The following LY86 variants were observed in gnomAD, a reference collection of about 807,000 sequenced individuals.
LY86 encodes the protein lymphocyte antigen 86.
LY86 carries 20 observed loss-of-function variants against 17.3 expected under a neutral mutation model. The observed-to-expected ratio is 1.15, with a 90% CI of 0.81 to 1.68. LY86 has a LOEUF of 1.68. LY86 is among the 40% of genes most tolerant of loss of function. The pLI is 0.00. For missense variants in LY86, 200 were observed against 191.9 expected (o/e 1.04, Z -0.25); for synonymous variants, 74 against 70.6 (o/e 1.05, Z -0.24).
chr6:6,595,854 G>T (rs1188903507), intron 1 of LY86, among the ~76,000 whole-genome samples: 4 of 152,282 alleles, frequency 2.6e-5, no homozygotes, highest in Middle Eastern at 6.8e-3. Context: ...TAGTCAGTGA[G>T]CGGGGAGGGG....
At chr6:6,606,053 G>T (rs150757827) in intron 1 of LY86, among the ~76,000 whole-genome samples, 2 of 152,218 alleles carry the variant, frequency 1.3e-5, no homozygotes, top group Non-Finnish European at 2.9e-5. Context: ...GCAGGTTACT[G>T]CTGCTAGCGC....
intron 1 of LY86, among the ~76,000 whole-genome samples, chr6:6,610,612 C>T (rs192185490): frequency 1.3e-5 from 2 of 152,184 alleles, no homozygotes; most frequent in African/African-American, 4.8e-5. Flanking sequence ...GCTTCTGTCC[C>T]TAGGAACATA....
At chr6:6,604,687 G>A (rs901777580) in intron 1 of LY86, among the ~76,000 whole-genome samples, 4 of 152,278 alleles carry the variant, frequency 2.6e-5, no homozygotes, top group African/African-American at 9.6e-5. Context: ...ACTCTTCAAT[G>A]TTTATTAGCC....
chr6:6,598,720 G>C (rs1459545960), intron 1 of LY86, among the ~76,000 whole-genome samples: 1 of 149,384 alleles, frequency 6.7e-6, no homozygotes, highest in African/African-American at 2.5e-5. Context: ...ATATTGACCT[G>C]GCCTACAGGC....
chr6:6,589,621 A>C (rs1334068863), intron 1 of LY86, among the ~76,000 whole-genome samples: 1 of 152,046 alleles, frequency 6.6e-6, no homozygotes, highest in African/African-American at 2.4e-5. Flanking sequence ...TAAATAACAG[A>C]TTTATTTCCT....
chr6:6,630,304 C>A (rs1343324066), intron 3 of LY86, among the ~76,000 whole-genome samples: 1 of 152,184 alleles, frequency 6.6e-6, no homozygotes, highest in Non-Finnish European at 1.5e-5. Flanking sequence ...CAAAGAGTTG[C>A]GTAGAATATC....
intron 1 of LY86, among the ~76,000 whole-genome samples, chr6:6,618,779 A>G (rs947216509): frequency 1.3e-5 from 2 of 152,250 alleles, no homozygotes; most frequent in Non-Finnish European, 1.5e-5. Context: ...TGGAACTACT[A>G]TTATTTGAAA....
At chr6:6,605,737 A>G (rs1406344810) in intron 1 of LY86, among the ~76,000 whole-genome samples, 1 of 152,186 alleles carries the variant, frequency 6.6e-6, no homozygotes, top group Non-Finnish European at 1.5e-5. Flanking sequence ...ACAGTTCTTA[A>G]AAGGCAGTGT....
chr6:6,616,644 T>C (rs1431236453), intron 1 of LY86, among the ~76,000 whole-genome samples: 1 of 152,238 alleles, frequency 6.6e-6, no homozygotes, highest in African/African-American at 2.4e-5. Flanking sequence ...AGTTTGTCAG[T>C]TCCTGCTCAC....
At chr6:6,639,345 C>G (rs1762006504) in intron 3 of LY86, among the ~76,000 whole-genome samples, 2 of 151,830 alleles carry the variant, frequency 1.3e-5, no homozygotes, top group African/African-American at 2.4e-5. Context: ...CAAGCCTTGT[C>G]CCTTCTCAGG....
At chr6:6,612,233 C>T (rs979168467) in intron 1 of LY86, among the ~76,000 whole-genome samples, 3 of 152,322 alleles carry the variant, frequency 2.0e-5, no homozygotes, top group Non-Finnish European at 2.9e-5. Context: ...TTCAAGAGGG[C>T]GTGTCCAGAG....
At chr6:6,649,713 GT>G (rs748815261) in intron 4 of LY86, 36 bp downstream of exon 4, 1 of 1,227,106 alleles carries the variant, frequency 8.1e-7, no homozygotes, top group African/African-American at 1.7e-5. Context: ...TAAATAGTTT[GT>G]TTCTTGAAGA....
intron 1 of LY86, among the ~76,000 whole-genome samples, chr6:6,614,566 G>A (rs1761501811): frequency 6.6e-6 from 1 of 151,922 alleles, no homozygotes; most frequent in Admixed American, 6.5e-5. Flanking sequence ...GTTCTTCCAC[G>A]TTCTTCTCCA....
intron 1 of LY86, among the ~76,000 whole-genome samples, chr6:6,593,374 A>G (rs1291066353): frequency 2.6e-5 from 4 of 152,140 alleles, no homozygotes; most frequent in Non-Finnish European, 5.9e-5. Flanking sequence ...TCATCTCCCC[A>G]ACTCAAGATC....
In LY86 at chr6:6,648,841, C is replaced by G. The variant is rs74690323; in HGVS notation, c.353-784C>G. On this transcript the variant is annotated intron_variant, in intron 3 of 4. Transcript: ENST00000230568. Reference sequence around the variant, plus strand: ...CAGTCAACTAATCTTGGGACTTAACCCTGAGTAACCTGGATCCAGCCTGGC... The same window carrying G: ...CAGTCAACTAATCTTGGGACTTAACGCTGAGTAACCTGGATCCAGCCTGGC... Among the ~76,000 whole-genome samples, 298 of 152,174 alleles carry G rather than the reference C, an allele frequency of 2.0e-3. 10 individuals are homozygous for G. In the East Asian group the frequency reaches 0.04, roughly 20 times the overall value.
In LY86 at chr6:6,621,335, G is replaced by C. The variant is rs184062888; in HGVS notation, c.137-3591G>C. On this transcript the variant is annotated intron_variant, in intron 1 of 4. Transcript: ENST00000230568. ...ATGTATTAAAAGTTACTGAGGCAAGGGTCCAAGGGAAAGTCTCTCCGCTCT... is the reference window on the plus strand; with the variant it reads ...ATGTATTAAAAGTTACTGAGGCAAGCGTCCAAGGGAAAGTCTCTCCGCTCT... 2.0e-4 allele frequency: 31 copies of C among 152,260 alleles called. No individual in the cohort carries two copies. In the East Asian group the frequency reaches 5.8e-3, roughly 28 times the overall value. The allele number at this position is 152,260 out of a possible 1,614,324, so 9.4% of individuals were successfully genotyped here. A position where few individuals can be genotyped will look rare whatever the true frequency, so the allele number is the denominator to read the frequency against.
At chr6:6,614,782 T>A (rs1461500138) in intron 1 of LY86, among the ~76,000 whole-genome samples, 1 of 152,054 alleles carries the variant, frequency 6.6e-6, no homozygotes. Flanking sequence ...GCAAGAATCC[T>A]ACCTAAGCAG....
intron 1 of LY86, among the ~76,000 whole-genome samples, chr6:6,603,603 C>CAAAAAAAAAAAAAAAAAA (rs1207511602): frequency 5.7e-5 from 4 of 70,454 alleles, no homozygotes; most frequent in Non-Finnish European, 1.3e-4. Flanking sequence ...AAAACAGAAA[C>CAAAAAAAAAAAAAAAAAA]AGAAAAAAAA....
At chr6:6,595,371 AG>A (rs398065522) in intron 1 of LY86, among the ~76,000 whole-genome samples, 3 of 15,448 alleles carry the variant, frequency 1.9e-4, no homozygotes, top group Non-Finnish European at 8.9e-4. Flanking sequence ...GGGAGAAGAA[AG>A]AAGAGAGGGG....
Sources: allele counts gnomAD v4.1 joint callset (sites outside exome capture counted in the v4.1 genomes callset), GRCh38; gene constraint gnomAD v4.1.1; transcripts MANE v1.5; gene names NCBI Gene and HGNC (gene_info 2026-07-23, HGNC 2026-07-21).